ERN1: variants seen among roughly 807,000 people sequenced by gnomAD.
ERN1 encodes the protein endoplasmic reticulum to nucleus signaling 1.
ERN1 carries 39 observed loss-of-function variants against 113.1 expected under a neutral mutation model. The observed-to-expected ratio is 0.34, with a 90% confidence interval of 0.27 to 0.45. ERN1 has a LOEUF of 0.45. Ranked by LOEUF, ERN1 falls within the 20% of genes least tolerant of loss-of-function variation. The pLI is 1.00. For missense variants in ERN1, 976 were observed against 1,274.8 expected, an observed-to-expected ratio of 0.77 and a Z score of 3.57; for synonymous variants, 507 against 515.9, an observed-to-expected ratio of 0.98 and a Z score of 0.23.
intron 8 of ERN1, among the ~76,000 whole-genome samples, chr17:64,065,709 GCTTT>G (rs1913201528): frequency 6.6e-6 from 1 of 152,084 alleles, no homozygotes; most frequent in Non-Finnish European, 1.5e-5. Context: ...TCTGCCTTGT[GCTTT>G]CTAAGGATCC....
chr17:64,043,018 T>C lies in ERN1; in HGVS notation c.*970A>G, dbSNP rs902744562. On this transcript the variant is annotated 3_prime_UTR_variant, in exon 22 of 22. Transcript: ENST00000433197. ...TGGCCTTGGCCACCCACCCTGGCCC[T>C]GACTCACCACGAGCCTCTTGTTCCA... is the stretch of plus-strand genomic sequence containing the variant. The C allele has an allele frequency of 6.6e-6, 1 of 152,372 alleles. No individual in the cohort carries two copies. The highest frequency in any genetic ancestry group is 2.4e-5 in the African/African-American group (1 of 41,462). 9.4% of individuals were successfully genotyped at this position (152,372 alleles called of 1,614,324 possible).
intron 6 of ERN1, 121 bp from the exon 7 acceptor site, chr17:64,068,412 C>A: frequency 2.9e-6 from 2 of 685,966 alleles, no homozygotes; most frequent in Admixed American, 4.8e-5. Context: ...AAAGTCCAGA[C>A]TATCCATGTC....
chr17:64,093,348 C>A (rs1914140339), intron 2 of ERN1, among the ~76,000 whole-genome samples: 2 of 152,140 alleles, frequency 1.3e-5, no homozygotes, highest in Non-Finnish European at 2.9e-5. Context: ...TGGACTAGTG[C>A]AGTACACCCC....
intron 1 of ERN1, among the ~76,000 whole-genome samples, chr17:64,123,737 T>C (rs182902120): frequency 2.8e-4 from 42 of 152,282 alleles, no homozygotes; most frequent in Admixed American, 2.0e-4. Context: ...GTTCATTACA[T>C]TGTTATAATT....
chr17:64,087,119 T>C (rs542357850), intron 2 of ERN1, among the ~76,000 whole-genome samples: 23 of 152,312 alleles, frequency 1.5e-4, no homozygotes, highest in African/African-American at 5.1e-4. Flanking sequence ...GGAAGCTGGC[T>C]TTGTAGGTAG....
At chr17:64,110,043 G>T (rs1459808837) in intron 1 of ERN1, among the ~76,000 whole-genome samples, 3 of 152,020 alleles carry the variant, frequency 2.0e-5, no homozygotes, top group Admixed American at 2.0e-4. Context: ...ATACAGGGAG[G>T]GGTCTTTAAA....
intron 11 of ERN1, among the ~76,000 whole-genome samples, chr17:64,059,652 GA>G (rs1912989609): frequency 6.6e-6 from 1 of 152,154 alleles, no homozygotes; most frequent in African/African-American, 2.4e-5. Context: ...AGAGGTAAGA[GA>G]AAGAGGTTGA....
chr17:64,081,084 C>CTT (rs1466581087), intron 2 of ERN1, among the ~76,000 whole-genome samples: 1 of 152,186 alleles, frequency 6.6e-6, no homozygotes, highest in Admixed American at 6.5e-5. Context: ...AAGAAACTTG[C>CTT]ATATAACTTG....
chr17:64,116,087 C>G (rs1013365212), intron 1 of ERN1, among the ~76,000 whole-genome samples: 1 of 152,178 alleles, frequency 6.6e-6, no homozygotes, highest in Non-Finnish European at 1.5e-5. Flanking sequence ...TAATCTGACT[C>G]ACTTTAAGGT....
chr17:64,124,985 G>A (rs190225626), intron 1 of ERN1, among the ~76,000 whole-genome samples: 7 of 152,264 alleles, frequency 4.6e-5, no homozygotes, highest in African/African-American at 1.7e-4. Context: ...GGGGGAAACG[G>A]TGTGTAACAG....
chr17:64,096,767 C>A (rs1197187714), intron 2 of ERN1, among the ~76,000 whole-genome samples: 2 of 152,146 alleles, frequency 1.3e-5, no homozygotes. Context: ...GGAGAGGACA[C>A]AGTTTTGTTG....
chr17:64,106,228 T>A (rs889803395), intron 1 of ERN1, among the ~76,000 whole-genome samples: 3 of 152,188 alleles, frequency 2.0e-5, no homozygotes, highest in African/African-American at 7.2e-5. Context: ...GTATTAAAGG[T>A]AAGACTTGAA....
chr17:64,075,250 T>TAAA lies in ERN1; in HGVS notation c.283-4_283-3insTTT, dbSNP rs1567871274. On this transcript the variant is annotated splice_polypyrimidine_tract_variant and splice_region_variant and intron_variant, in intron 4 of 21. Coordinates refer to ENST00000433197, the MANE Select transcript of ERN1 (RefSeq NM_001433.5). ...TCTGGGATGGTAAAAGGAAGTTTCTTTAAAAAAAAAAAAAAAGAAAAAAAA... is the reference window on the plus strand; with the variant it reads ...TCTGGGATGGTAAAAGGAAGTTTCTTAAATAAAAAAAAAAAAAAAGAAAAAAAA... The TAAA allele has an allele frequency of 6.9e-6, 8 of 1,166,912 alleles. No individual in the cohort carries two copies. The highest frequency in any genetic ancestry group is 9.8e-5 in the Admixed American group (2 of 20,426). 72.3% of individuals were successfully genotyped at this position (1,166,912 alleles called of 1,614,324 possible).
chr17:64,115,712 T>A (rs544996655), intron 1 of ERN1, among the ~76,000 whole-genome samples: 1 of 152,308 alleles, frequency 6.6e-6, no homozygotes, highest in East Asian at 1.9e-4. Context: ...ATATAGATGC[T>A]TTTGGGGTGA....
At chr17:64,088,590 T>C (rs1267263196) in intron 2 of ERN1, among the ~76,000 whole-genome samples, 1 of 152,170 alleles carries the variant, frequency 6.6e-6, no homozygotes, top group African/African-American at 2.4e-5. Flanking sequence ...TCTGTTGAGA[T>C]GCGCCAAACA....
At chr17:64,104,402 G>A (rs528403853) in intron 1 of ERN1, among the ~76,000 whole-genome samples, 4 of 152,136 alleles carry the variant, frequency 2.6e-5, no homozygotes, top group South Asian at 4.1e-4. Context: ...GATTCAGAAC[G>A]TGTGAAAGCT....
At chr17:64,113,735 G>T (rs1280381328) in intron 1 of ERN1, among the ~76,000 whole-genome samples, 4 of 152,128 alleles carry the variant, frequency 2.6e-5, no homozygotes. Flanking sequence ...CCAGGCTGGA[G>T]TGCAGTGGCG....
intron 5 of ERN1, among the ~76,000 whole-genome samples, chr17:64,073,479 G>C (rs1913492870): frequency 7.0e-6 from 1 of 142,924 alleles, no homozygotes; most frequent in Non-Finnish European, 1.5e-5. Flanking sequence ...CCGGCCACCT[G>C]GCTAATTTTT....
At chr17:64,110,358 GA>G (rs774100783) in intron 1 of ERN1, among the ~76,000 whole-genome samples, 1 of 152,034 alleles carries the variant, frequency 6.6e-6, no homozygotes, top group Non-Finnish European at 1.5e-5. Flanking sequence ...TTTGTGGTGA[GA>G]ACATTTCAAA....
Sources: allele counts gnomAD v4.1 joint callset (sites outside exome capture counted in the v4.1 genomes callset), GRCh38; gene constraint gnomAD v4.1.1; transcripts MANE v1.5; gene names NCBI Gene and HGNC (gene_info 2026-07-23, HGNC 2026-07-21).